KANSL2: variants seen among roughly 807,000 people sequenced by gnomAD.
The protein encoded by KANSL2 is NSL complex protein NSL2.
A neutral mutation model predicts 55.6 loss-of-function variants in KANSL2; 34 were observed. The observed-to-expected ratio is 0.61, with a 90% confidence interval of 0.46 to 0.81. KANSL2 has a LOEUF of 0.81. Among genes scored for constraint, KANSL2 ranks in the 40% least tolerant of loss-of-function variants. The pLI is 0.00. For missense variants in KANSL2, 502 were observed against 609.9 expected, an observed-to-expected ratio of 0.82 and a Z score of 1.86; for synonymous variants, 209 against 214.3, an observed-to-expected ratio of 0.98 and a Z score of 0.22.
intron 4 of KANSL2, among the ~76,000 whole-genome samples, chr12:48,678,419 G>A (rs1353052692): frequency 6.6e-6 from 1 of 151,976 alleles, no homozygotes; most frequent in Non-Finnish European, 1.5e-5. Flanking sequence ...TCTTAGGCAT[G>A]AAACCAAACT....
chr12:48,654,669 T>C (rs1433741866), intron 9 of KANSL2: 2 of 523,580 alleles, frequency 3.8e-6, no homozygotes, highest in Non-Finnish European at 7.2e-6. Context: ...AATAAATGTA[T>C]GTCCTACTCT....
intron 5 of KANSL2, among the ~76,000 whole-genome samples, chr12:48,670,265 T>A (rs1448021634): frequency 3.3e-5 from 5 of 151,000 alleles, no homozygotes; most frequent in Non-Finnish European, 7.4e-5. Flanking sequence ...AATAAACAAC[T>A]ATGTTACTGG....
chr12:48,672,226 A>G (rs1458867004), intron 4 of KANSL2, among the ~76,000 whole-genome samples: 1 of 152,000 alleles, frequency 6.6e-6, no homozygotes, highest in Non-Finnish European at 1.5e-5. Context: ...CATTATGTTG[A>G]AAAGAAAGTG....
intron 5 of KANSL2, 127 bp downstream of exon 5, chr12:48,671,672 C>T (rs74089369): frequency 0.024 from 23,093 of 963,070 alleles, 419 homozygotes; most frequent in African/African-American, 0.073. Context: ...TGAGTCACTC[C>T]ATGAAGTTTG....
At chr12:48,665,103 T>C (rs573377836) in intron 7 of KANSL2, among the ~76,000 whole-genome samples, 1 of 152,128 alleles carries the variant, frequency 6.6e-6, no homozygotes, top group East Asian at 1.9e-4. Flanking sequence ...AGCATTTATC[T>C]TTAGAGTTTT....
At chr12:48,680,007 T>C in intron 2 of KANSL2, 174 bp from the exon 3 acceptor site, 1 of 598,666 alleles carries the variant, frequency 1.7e-6, no homozygotes, top group East Asian at 2.9e-5. Context: ...TTTGACTTTA[T>C]TAAAGGGAAA....
Position 48,655,618 on chromosome 12 carries a change from G to A in KANSL2, c.1228-558C>T, listed in dbSNP as rs114820475. ...ATTCACAGAAACACAAAGTAGAAAC[G>A]GAGAATAGTAGGGAACAGGGGAAAG... On this transcript the variant is annotated intron_variant, in intron 8 of 9. Transcript: ENST00000420613. 1.6e-3 allele frequency among the ~76,000 whole-genome samples: 243 copies of A among 151,992 alleles called. 2 individuals carry two copies. Among genetic ancestry groups the A allele is most frequent in the African/African-American group, 5.6e-3 (232 of 41,470 alleles).
At chr12:48,665,478 G>A (rs941966309) in intron 7 of KANSL2, among the ~76,000 whole-genome samples, 3 of 152,058 alleles carry the variant, frequency 2.0e-5, no homozygotes, top group Admixed American at 1.3e-4. Flanking sequence ...CAGGAGAATC[G>A]CTTGTACCCA....
intron 7 of KANSL2, among the ~76,000 whole-genome samples, chr12:48,664,903 T>TA (rs1555154597): frequency 3.7e-4 from 54 of 145,282 alleles, no homozygotes; most frequent in Non-Finnish European, 5.9e-4. Flanking sequence ...TTTTTTTTTT[T>TA]AGAGACAGGG....
chr12:48,665,285 C>T (rs1016139684), intron 7 of KANSL2, among the ~76,000 whole-genome samples: 13 of 152,152 alleles, frequency 8.5e-5, no homozygotes, highest in African/African-American at 3.1e-4. Flanking sequence ...AAATAAGTGG[C>T]CGGGCGCTGT....
intron 8 of KANSL2, among the ~76,000 whole-genome samples, chr12:48,659,012 C>G (rs12426435): frequency 0.59 from 89,662 of 152,050 alleles, 26,739 homozygotes; most frequent in East Asian, 0.76. Flanking sequence ...AACAGTTATA[C>G]GCCAGGAATG....
intron 8 of KANSL2, chr12:48,656,786 C>T: frequency 7.9e-6 from 4 of 503,748 alleles, no homozygotes; most frequent in Non-Finnish European, 3.9e-6. Flanking sequence ...GGGCCTAAGG[C>T]AATACAAACT....
intron 4 of KANSL2, among the ~76,000 whole-genome samples, chr12:48,674,125 T>C (rs1157525581): frequency 6.6e-6 from 1 of 152,116 alleles, no homozygotes; most frequent in African/African-American, 2.4e-5. Flanking sequence ...TAATTTTAAG[T>C]CAAAAAATTA....
chr12:48,656,996 G>T (rs116312718), intron 8 of KANSL2, among the ~76,000 whole-genome samples: 1,873 of 152,280 alleles, frequency 0.012, 44 homozygotes, highest in African/African-American at 0.044. Flanking sequence ...CTAAGAATTT[G>T]CAATCCTTTC....
At chr12:48,676,103 C>G (rs1040558138) in intron 4 of KANSL2, among the ~76,000 whole-genome samples, 1 of 151,968 alleles carries the variant, frequency 6.6e-6, no homozygotes, top group South Asian at 2.1e-4. Flanking sequence ...TGTAGACAAG[C>G]TTTTATTTAT....
chr12:48,655,054 C>A lies in KANSL2; in HGVS notation c.1234G>T (p.Asp412Tyr). ...SLPLEFSDDL[D>Y]VVGDGMQCPP... The stretch of plus-strand genomic sequence containing the variant: ...CACTGCATACCATCACCCACAACAT[C>A]CAAGTCCTAGAAAAAAGAGAAAAGC... Residue 412 changes from aspartate (D) to tyrosine (Y), a missense_variant, in exon 9 of 10, where the codon GAT becomes TAT. Asp to Tyr is a radical substitution (Grantham distance 160). Transcript: ENST00000420613. 1 of 1,574,748 alleles carries A rather than the reference C, an allele frequency of 6.4e-7. No individual in the cohort carries two copies. The highest frequency in any genetic ancestry group is 8.6e-7 in the Non-Finnish European group (1 of 1,159,964).
At chr12:48,682,160 T>A in intron 1 of KANSL2, 27 bp downstream of exon 1, 2 of 700,384 alleles carry the variant, frequency 2.9e-6, no homozygotes, top group Non-Finnish European at 5.2e-6. Context: ...CCGCAAGAGC[T>A]TAGAGGAAAG....
chr12:48,679,897 G>A, intron 2 of KANSL2, 64 bp from the exon 3 acceptor site: 7 of 1,271,242 alleles, frequency 5.5e-6, no homozygotes, highest in Non-Finnish European at 7.6e-6. Context: ...AATGTTCACA[G>A]TCCCTAATCT....
At chr12:48,661,128 G>T in intron 7 of KANSL2, 1 of 415,788 alleles carries the variant, frequency 2.4e-6, no homozygotes, top group Non-Finnish European at 3.2e-6. Flanking sequence ...CACTGGAATA[G>T]GGGGAAACAG....
Sources: allele counts gnomAD v4.1 joint callset (sites outside exome capture counted in the v4.1 genomes callset), GRCh38; gene constraint gnomAD v4.1.1; transcripts MANE v1.5; gene names NCBI Gene and HGNC (gene_info 2026-07-23, HGNC 2026-07-21).